Variants in MAP4K5 observed in about 807,000 individuals in gnomAD.
MAP4K5 encodes the protein mitogen-activated protein kinase kinase kinase kinase 5, also known as MAPK/ERK kinase kinase kinase 5.
A neutral mutation model predicts 135.6 loss-of-function variants in MAP4K5; 82 were observed. That is an observed-to-expected ratio of 0.60 (90% CI 0.51 to 0.73). MAP4K5 has a LOEUF of 0.73. MAP4K5 is among the 30% of genes least tolerant of loss of function. MAP4K5 has a pLI of 0.00. For missense variants in MAP4K5, 907 were observed against 1,010.9 expected (o/e 0.90, Z 1.39); for synonymous variants, 347 against 335.0 (o/e 1.04, Z -0.39).
At chr14:50,473,002 C>T (rs963027075) in intron 9 of MAP4K5, among the ~76,000 whole-genome samples, 4 of 152,176 alleles carry the variant, frequency 2.6e-5, no homozygotes, top group Non-Finnish European at 5.9e-5. Context: ...CACTTATTTT[C>T]CATGAAAATA....
chr14:50,506,569 G>A (rs1159043279), intron 2 of MAP4K5, among the ~76,000 whole-genome samples: 1 of 152,108 alleles, frequency 6.6e-6, no homozygotes, highest in Non-Finnish European at 1.5e-5. Context: ...TGTTGCCCAG[G>A]CCGGTCTCAA....
At chr14:50,553,154 T>C (rs1190788010) in intron 1 of MAP4K5, among the ~76,000 whole-genome samples, 3 of 150,766 alleles carry the variant, frequency 2.0e-5, no homozygotes, top group Admixed American at 1.3e-4. Flanking sequence ...AAAATAGCCA[T>C]GCATGGTGGT....
chr14:50,478,613 A>G (rs929801192), intron 6 of MAP4K5, among the ~76,000 whole-genome samples: 1 of 152,110 alleles, frequency 6.6e-6, no homozygotes, highest in Non-Finnish European at 1.5e-5. Context: ...ATTTTTTAGT[A>G]CTTGCAGAAT....
chr14:50,462,656 C>T lies in MAP4K5; in HGVS notation c.936+9G>A. On this transcript the variant is annotated intron_variant, in intron 13 of 32. Transcript: ENST00000682126. ...ATTTTCAACTATGAGACTGCAAACA[C>T]TTCCTTACCTCAAAGTCATCGTCAT... is the stretch of plus-strand genomic sequence containing the variant. The T allele has an allele frequency of 6.3e-7, 1 of 1,577,962 alleles. No homozygotes were observed. The highest frequency in any genetic ancestry group is 8.7e-7 in the Non-Finnish European group (1 of 1,155,348).
intron 2 of MAP4K5, among the ~76,000 whole-genome samples, chr14:50,510,120 G>A (rs2037900223): frequency 6.6e-6 from 1 of 152,100 alleles, no homozygotes. Context: ...AATGCATTCT[G>A]CCATTCACTG....
intron 3 of MAP4K5, among the ~76,000 whole-genome samples, chr14:50,491,687 C>CTT (rs777465443): frequency 1.2e-4 from 16 of 137,766 alleles, no homozygotes; most frequent in African/African-American, 3.2e-4. Context: ...ACTGAACTTT[C>CTT]TTTTTTTTTT....
At chr14:50,458,874 T>C (rs1042826323) in intron 13 of MAP4K5, among the ~76,000 whole-genome samples, 1 of 152,234 alleles carries the variant, frequency 6.6e-6, no homozygotes, top group Non-Finnish European at 1.5e-5. Flanking sequence ...AGTGGCACAA[T>C]CATGGCTCAC....
intron 2 of MAP4K5, among the ~76,000 whole-genome samples, chr14:50,520,768 C>T (rs962898468): frequency 6.6e-6 from 1 of 151,628 alleles, no homozygotes; most frequent in Non-Finnish European, 1.5e-5. Context: ...AAAAACGGGA[C>T]CGTTTCTGGT....
chr14:50,544,218 C>T (rs544316009), intron 1 of MAP4K5, among the ~76,000 whole-genome samples: 1 of 152,310 alleles, frequency 6.6e-6, no homozygotes, highest in East Asian at 1.9e-4. Flanking sequence ...TGGGTGACCC[C>T]ACCAGATGAG....
chr14:50,442,458 C>T (rs556611318), intron 21 of MAP4K5, among the ~76,000 whole-genome samples: 10 of 152,120 alleles, frequency 6.6e-5, no homozygotes, highest in African/African-American at 2.2e-4. Flanking sequence ...GTCCCAATAA[C>T]GTCCTTTTAC....
At chr14:50,447,532 C>T (rs377254713) in intron 15 of MAP4K5, 51 bp from the exon 16 acceptor site, 22 of 1,017,176 alleles carry the variant, frequency 2.2e-5, no homozygotes, top group Non-Finnish European at 3.2e-5. Context: ...CAGGTATTAA[C>T]CATTTTATTT....
chr14:50,520,978 A>AC (rs1392147990), intron 2 of MAP4K5, among the ~76,000 whole-genome samples: 1 of 151,902 alleles, frequency 6.6e-6, no homozygotes, highest in Non-Finnish European at 1.5e-5. Flanking sequence ...TTCCACCACC[A>AC]CACCCAGCTA....
At position 50,524,726 on chromosome 14, in the gene MAP4K5, G is replaced by A. The variant is rs2038225170; in HGVS notation, c.108+7216C>T. ...AAATCTGAAAGACAGAGAGTAGAGT[G>A]CATATAAAGAACTGAAAGTTCAGTA... is the stretch of plus-strand genomic sequence containing the variant. On this transcript the variant is annotated intron_variant, in intron 2 of 32. Transcript: ENST00000682126. Among the ~76,000 whole-genome samples, 4 of 152,252 alleles carry A rather than the reference G, an allele frequency of 2.6e-5. No individual in the cohort carries two copies. The South Asian group carries it at 8.3e-4, about 32-fold the overall frequency.
intron 3 of MAP4K5, among the ~76,000 whole-genome samples, chr14:50,494,811 G>T (rs1221593716): frequency 1.3e-5 from 2 of 152,132 alleles, no homozygotes; most frequent in African/African-American, 4.8e-5. Flanking sequence ...TTCAACAAGG[G>T]TATCAGAACT....
At position 50,448,785 on chromosome 14, in the gene MAP4K5, G is replaced by T; in HGVS notation, c.1063C>A (p.Arg355=). 3 of 1,561,366 alleles carry T rather than the reference G, an allele frequency of 1.9e-6. No homozygotes were observed. The highest frequency in any genetic ancestry group is 1.7e-6 in the Non-Finnish European group (2 of 1,148,654). The part of the protein sequence containing the change: ...EPPLRKETEA[R]DEMGLSSDPN... ...AAATGAATTCTTACCATTTCATCTCGTGCTTCTGTTTCTTTTCTCAGAGGA... is the reference window on the plus strand; with the variant it reads ...AAATGAATTCTTACCATTTCATCTCTTGCTTCTGTTTCTTTTCTCAGAGGA... The change falls in exon 15 of 33, where the codon CGA becomes AGA. Residue 355 remains arginine, a synonymous_variant. Coordinates refer to ENST00000682126, the MANE Select transcript of MAP4K5 (RefSeq NM_006575.6).
At chr14:50,542,402 T>C (rs917644421) in intron 2 of MAP4K5, 83 of 152,214 alleles carry the variant, frequency 5.5e-4, no homozygotes, top group African/African-American at 1.9e-3. Flanking sequence ...ATGGCATATG[T>C]ATACCTGTGT....
chr14:50,468,371 G>C (rs919491092), intron 10 of MAP4K5: 4 of 304,230 alleles, frequency 1.3e-5, no homozygotes, highest in Non-Finnish European at 1.8e-5. Flanking sequence ...TTTAGGAGCA[G>C]CAATACAAGA....
intron 31 of MAP4K5, among the ~76,000 whole-genome samples, chr14:50,425,625 A>G (rs961173572): frequency 6.6e-6 from 1 of 152,352 alleles, no homozygotes; most frequent in African/African-American, 2.4e-5. Context: ...AATTTAGAAA[A>G]GTTTTACAAG....
At chr14:50,498,617 T>C (rs753891037) in intron 3 of MAP4K5, among the ~76,000 whole-genome samples, 4 of 152,218 alleles carry the variant, frequency 2.6e-5, no homozygotes, top group Non-Finnish European at 4.4e-5. Flanking sequence ...TATAGCATTA[T>C]AAAATTAAAT....
Sources: gnomAD v4.1 joint callset for allele counts (sites outside exome capture counted in the v4.1 genomes callset) on GRCh38, gnomAD v4.1.1 for gene constraint, MANE v1.5 for transcripts, NCBI Gene and HGNC (gene_info 2026-07-23, HGNC 2026-07-21) for gene names.